Variants in ADGRL3 observed in about 807,000 individuals in gnomAD.
The protein encoded by ADGRL3 is calcium-independent alpha-latrotoxin receptor 3.
ADGRL3 carries 62 observed loss-of-function variants against 153.5 expected under a neutral mutation model. The ratio of observed to expected loss-of-function variants is 0.40; its 90% CI spans 0.33 to 0.50. The LOEUF is 0.50. Ranked by LOEUF, ADGRL3 falls within the 20% of genes least tolerant of loss-of-function variation. The pLI, the probability that ADGRL3 is intolerant of heterozygous loss-of-function variation, is 0.47. For missense variants in ADGRL3, 1,641 were observed against 1,859.4 expected, an observed-to-expected ratio of 0.88 and a Z score of 2.16; for synonymous variants, 710 against 672.5, an observed-to-expected ratio of 1.06 and a Z score of -0.86.
intron 2 of ADGRL3, among the ~76,000 whole-genome samples, chr4:61,413,000 TGATCTGTGTATTAGGTTATGAG>T (rs2152278513): frequency 6.6e-6 from 1 of 152,328 alleles, no homozygotes; most frequent in South Asian, 2.1e-4. Flanking sequence ...GAAAACTGGA[TGATCTGTGTATTAGGTTATGAG>T]GCTCTGGCTT....
intron 4 of ADGRL3, among the ~76,000 whole-genome samples, chr4:61,576,594 G>A (rs556219032): frequency 1.4e-4 from 20 of 145,732 alleles, no homozygotes; most frequent in Middle Eastern, 3.4e-3. Flanking sequence ...AGCATCTAGT[G>A]TGCAGTCAAC....
At position 61,877,982 on chromosome 4, in the gene ADGRL3, T is replaced by C. The variant is rs575395065; in HGVS notation, c.1481-14674T>C. Among the ~76,000 whole-genome samples the C allele has an allele frequency of 1.4e-3, 219 of 152,290 alleles. 1 individual carries two copies. The highest frequency in any genetic ancestry group is 2.2e-3 in the Non-Finnish European group (152 of 68,026). ...CTCTCTCTCTTGCTTGCTGTCATGT[T>C]AGACATGCCTTGCCTCCCCTTCACC... On this transcript the variant is annotated intron_variant, in intron 9 of 26. Coordinates refer to ENST00000683033, the MANE Select transcript of ADGRL3 (RefSeq NM_001387552.1).
intron 8 of ADGRL3, among the ~76,000 whole-genome samples, chr4:61,758,184 TCCTGGATATCCCTGGACAATC>T (rs1055114324): frequency 3.3e-5 from 5 of 152,138 alleles, no homozygotes; most frequent in African/African-American, 1.2e-4. Context: ...CTGATTCAAT[TCCTGGATATCCCTGGACAATC>T]CCTGGATATC....
intron 6 of ADGRL3, among the ~76,000 whole-genome samples, chr4:61,706,266 A>C (rs1404854477): frequency 1.3e-5 from 2 of 151,966 alleles, no homozygotes; most frequent in African/African-American, 4.8e-5. Context: ...CTAAAAACAC[A>C]AAAAAACTAG....
intron 8 of ADGRL3, among the ~76,000 whole-genome samples, chr4:61,780,624 T>C (rs2097203247): frequency 6.6e-6 from 1 of 152,202 alleles, no homozygotes; most frequent in African/African-American, 2.4e-5. Flanking sequence ...TCATAGTCTA[T>C]AACACATGAT....
At chr4:61,511,812 C>G (rs1302088170) in intron 3 of ADGRL3, among the ~76,000 whole-genome samples, 3 of 152,078 alleles carry the variant, frequency 2.0e-5, no homozygotes, top group East Asian at 1.9e-4. Flanking sequence ...CAGATTTACC[C>G]CTCTGTGTTA....
intron 9 of ADGRL3, among the ~76,000 whole-genome samples, chr4:61,836,403 A>G (rs1387214537): frequency 6.6e-6 from 1 of 152,160 alleles, no homozygotes; most frequent in East Asian, 1.9e-4. Context: ...GAAACAATTT[A>G]AGTGTAGTGT....
chr4:61,303,459 G>T (rs532466659), intron 1 of ADGRL3, among the ~76,000 whole-genome samples: 2 of 147,478 alleles, frequency 1.4e-5, no homozygotes, highest in South Asian at 2.1e-4. Context: ...GATTTGCCAG[G>T]TTTTTTTTTT....
chr4:61,378,812 G>A (rs1203411658), intron 1 of ADGRL3, among the ~76,000 whole-genome samples: 1 of 151,942 alleles, frequency 6.6e-6, no homozygotes, highest in African/African-American at 2.4e-5. Context: ...GTTGTTCTGG[G>A]AACCATTTGC....
intron 9 of ADGRL3, among the ~76,000 whole-genome samples, chr4:61,855,178 T>G (rs1448760696): frequency 6.6e-6 from 1 of 152,166 alleles, no homozygotes; most frequent in Admixed American, 6.5e-5. Context: ...GAGACAAGTG[T>G]ACCACAGTAA....
rs552085901 is a variant in ADGRL3 at position 62,002,540 on chromosome 4, A to G, written c.3395+4275A>G. ...ATTTAATTGGTTGGCTCATTACTAT[A>G]TTAAAGAATTCTCTAGAAAAAATAA... On this transcript the variant is annotated intron_variant, in intron 21 of 26. Coordinates refer to ENST00000683033, the MANE Select transcript of ADGRL3 (RefSeq NM_001387552.1). 8.6e-5 allele frequency among the ~76,000 whole-genome samples: 13 copies of G among 152,036 alleles called. No homozygotes were observed. In the South Asian group the frequency reaches 1.9e-3, roughly 22 times the overall value.
intron 8 of ADGRL3, among the ~76,000 whole-genome samples, chr4:61,806,638 A>G (rs2097555785): frequency 6.6e-6 from 1 of 152,066 alleles, no homozygotes. Context: ...TTTAGGCTGC[A>G]TATTGAAAGG....
chr4:61,711,010 A>T (rs1419476074), intron 6 of ADGRL3, among the ~76,000 whole-genome samples: 3 of 152,158 alleles, frequency 2.0e-5, no homozygotes, highest in African/African-American at 4.8e-5. Context: ...TCAAAATTTG[A>T]TGGCACATTT....
At chr4:62,059,412 T>G (rs552436381) in intron 25 of ADGRL3, among the ~76,000 whole-genome samples, 1 of 152,198 alleles carries the variant, frequency 6.6e-6, no homozygotes, top group African/African-American at 2.4e-5. Flanking sequence ...TAGAGTTAAT[T>G]TCAGAAACAA....
At chr4:61,648,943 C>T (rs1305820474) in intron 5 of ADGRL3, among the ~76,000 whole-genome samples, 1 of 151,758 alleles carries the variant, frequency 6.6e-6, no homozygotes, top group Non-Finnish European at 1.5e-5. Context: ...TGAAGTTATT[C>T]CTTTTCAGTA....
At chr4:61,752,234 A>G (rs930007902) in intron 8 of ADGRL3, among the ~76,000 whole-genome samples, 19 of 152,204 alleles carry the variant, frequency 1.2e-4, no homozygotes, top group African/African-American at 4.6e-4. Flanking sequence ...TTTATTTAAT[A>G]TAAGTTTTGT....
chr4:61,634,806 G>T (rs2150073357), intron 5 of ADGRL3, among the ~76,000 whole-genome samples: 1 of 152,206 alleles, frequency 6.6e-6, no homozygotes, highest in African/African-American at 2.4e-5. Flanking sequence ...GGTCCAAAGA[G>T]AAAGTAACTG....
intron 5 of ADGRL3, among the ~76,000 whole-genome samples, chr4:61,643,365 C>G (rs1026288302): frequency 6.6e-6 from 1 of 151,750 alleles, no homozygotes; most frequent in Admixed American, 6.6e-5. Flanking sequence ...CTGTCTTGTG[C>G]CAGTTTTCAA....
In ADGRL3 at chr4:61,438,763, A is replaced by C. The variant is rs565033700; in HGVS notation, c.-174+55574A>C. Among the ~76,000 whole-genome samples the C allele has an allele frequency of 9.3e-3, 1,372 of 147,194 alleles. 19 individuals are homozygous for C. Among genetic ancestry groups the C allele is most frequent in the African/African-American group, 0.033 (1,299 of 39,726 alleles). On this transcript the variant is annotated intron_variant, in intron 2 of 26. Transcript: ENST00000683033. ...CGCTCTGTCGCCCAGGCTGGAGTGC[A>C]GTGGTGCGATCTCGGCTCACTGCAA...
Sources: allele counts gnomAD v4.1 joint callset (sites outside exome capture counted in the v4.1 genomes callset), GRCh38; gene constraint gnomAD v4.1.1; transcripts MANE v1.5; gene names NCBI Gene and HGNC (gene_info 2026-07-23, HGNC 2026-07-21).